ADAMTS5: variants seen among roughly 807,000 people sequenced by gnomAD.
ADAMTS5 encodes the protein ADAM metallopeptidase with thrombospondin type 1 motif 5, also known as A disintegrin and metalloproteinase with thrombospondin motifs 5.
A neutral mutation model predicts 81.4 loss-of-function variants in ADAMTS5; 54 were observed. The ratio of observed to expected loss-of-function variants is 0.66; its 90% CI spans 0.53 to 0.83. ADAMTS5 has a LOEUF of 0.83. Ranked by LOEUF, ADAMTS5 falls within the 40% of genes least tolerant of loss-of-function variation. The pLI is 0.00. For missense variants in ADAMTS5, 1,194 were observed against 1,229.9 expected, an observed-to-expected ratio of 0.97 and a Z score of 0.44; for synonymous variants, 532 against 508.8, an observed-to-expected ratio of 1.05 and a Z score of -0.61.
intron 3 of ADAMTS5, among the ~76,000 whole-genome samples, chr21:26,937,850 T>A (rs1987042260): frequency 6.6e-6 from 1 of 152,218 alleles, no homozygotes; most frequent in Non-Finnish European, 1.5e-5. Context: ...TTCATCGTAG[T>A]CTGAAATTTG....
At position 26,929,919 on chromosome 21, in the gene ADAMTS5, C is replaced by T; in HGVS notation, c.2192G>A (p.Cys731Tyr). 2 of 1,614,068 alleles carry T rather than the reference C, an allele frequency of 1.2e-6. No individual in the cohort carries two copies. The highest frequency in any genetic ancestry group is 1.7e-6 in the Non-Finnish European group (2 of 1,179,950). ...ATTAAAGGTTCCAACAATCTTTGTACAGCTGGAGTTGTCTCCTCCACATAC... is the reference window on the plus strand; with the variant it reads ...ATTAAAGGTTCCAACAATCTTTGTATAGCTGGAGTTGTCTCCTCCACATAC... ...CGVCGGDNSS[C>Y]TKIVGTFNKK... The change falls in exon 7 of 8, where the codon TGT becomes TAT. Residue 731 changes from cysteine (C) to tyrosine (Y), a missense_variant. Around this residue, in one of 2 missense-constraint regions of ADAMTS5, gnomAD observed 696 missense variants for 817.6 expected, o/e 0.85. Transcript: ENST00000284987.
rs1335546948 is a variant in ADAMTS5 at position 26,965,774 on chromosome 21, G to A, written c.618C>T (p.Arg206=). ...TGGACGCGGGGGTTTCGCAGCTGGCGCGCGGCGGCAGGGCCTCGAAGCTGA... is the reference window on the plus strand; with the variant it reads ...TGGACGCGGGGGTTTCGCAGCTGGCACGCGGCGGCAGGGCCTCGAAGCTGA... ...EGFSFEALPP[R]ASCETPASTP... is the part of the protein sequence containing the mutation. Residue 206 remains arginine, a synonymous_variant, in exon 1 of 8, where the codon CGC becomes CGT. Coordinates refer to ENST00000284987, the MANE Select transcript of ADAMTS5 (RefSeq NM_007038.5). 6.2e-7 allele frequency: 1 copy of A among 1,601,582 alleles called. No homozygotes were observed. The highest frequency in any genetic ancestry group is 8.5e-7 in the Non-Finnish European group (1 of 1,174,444).
chr21:26,950,130 G>A (rs970500574), intron 2 of ADAMTS5, among the ~76,000 whole-genome samples: 4 of 152,144 alleles, frequency 2.6e-5, no homozygotes, highest in African/African-American at 9.7e-5. Flanking sequence ...AAGCACACTG[G>A]AGTCTTTCAC....
intron 1 of ADAMTS5, among the ~76,000 whole-genome samples, chr21:26,957,030 A>T (rs777086312): frequency 2.8e-4 from 43 of 152,348 alleles, no homozygotes; most frequent in Non-Finnish European, 7.3e-5. Context: ...CTGTAGCTAT[A>T]ATTATGTAAA....
In ADAMTS5 at chr21:26,965,734, C is replaced by T. The variant is rs1987637140; in HGVS notation, c.658G>A (p.Glu220Lys). The part of the protein sequence containing the change: ...ETPASTPEAH[E>K]HAPAHSNPSG... ...GGGTTGCTGTGCGCCGGAGCATGCTCGTGGGCCTCCGGTGTGGACGCGGGG... is the reference window on the plus strand; with the variant it reads ...GGGTTGCTGTGCGCCGGAGCATGCTTGTGGGCCTCCGGTGTGGACGCGGGG... The change falls in exon 1 of 8, where the codon GAG (glutamate) becomes AAG (lysine). Residue 220 changes from glutamate (E) to lysine (K), a missense_variant. Glu to Lys is a moderately conservative substitution (Grantham distance 56). Transcript: ENST00000284987. The T allele has an allele frequency of 3.0e-5, 48 of 1,592,734 alleles. No homozygotes were observed. The highest frequency in any genetic ancestry group is 3.8e-5 in the Non-Finnish European group (45 of 1,170,800).
rs2123162417 is a variant in ADAMTS5 at position 26,923,955 on chromosome 21, G to A, written c.*98C>T. On this transcript the variant is annotated 3_prime_UTR_variant, in exon 8 of 8. Coordinates refer to ENST00000284987, the MANE Select transcript of ADAMTS5 (RefSeq NM_007038.5). ...GACTCCTGTTGACAATGTCACTGAA[G>A]CATGACTTTCTGTGCGTTAGGTAGA... 1.6e-6 allele frequency: 2 copies of A among 1,267,838 alleles called. No homozygotes were observed. The highest frequency in any genetic ancestry group is 2.1e-6 in the Non-Finnish European group (2 of 933,844). 78.5% of individuals were successfully genotyped at this position (1,267,838 alleles called of 1,614,324 possible).
rs1220163504 is a variant in ADAMTS5, at chr21:26,920,787, G to A, written c.*3266C>T. On this transcript the variant is annotated 3_prime_UTR_variant, in exon 8 of 8. Coordinates refer to ENST00000284987, the MANE Select transcript of ADAMTS5 (RefSeq NM_007038.5). ...GTGACTTGGAAAAAATAGTGTTAATGTGATGTAAAAAACCTATTATCATAG... is the reference window on the plus strand; with the variant it reads ...GTGACTTGGAAAAAATAGTGTTAATATGATGTAAAAAACCTATTATCATAG... The A allele has an allele frequency of 2.0e-5, 3 of 152,020 alleles. No homozygotes were observed. Among genetic ancestry groups the A allele is most frequent in the African/African-American group, 7.2e-5 (3 of 41,394 alleles). The allele number at this position is 152,020 out of a possible 1,614,324, so 9.4% of individuals were successfully genotyped here. A position where few individuals can be genotyped will look rare whatever the true frequency, so the allele number is the denominator to read the frequency against.
In ADAMTS5 at chr21:26,954,758, G is replaced by A; in HGVS notation, c.1218C>T (p.Phe406=). Reference sequence around the variant, plus strand: ...GCATACCGATTTCGTGAGCCACAGTGAAGGCTGCGTGGAGGCCATCGTCTT... The same window carrying A: ...GCATACCGATTTCGTGAGCCACAGTAAAGGCTGCGTGGAGGCCATCGTCTT... ...VIEDDGLHAA[F]TVAHEIGHLL... Residue 406 remains phenylalanine (F), a synonymous_variant, in exon 2 of 8, where the codon TTC becomes TTT. Coordinates refer to ENST00000284987, the MANE Select transcript of ADAMTS5 (RefSeq NM_007038.5). 1 of 1,614,032 alleles carries A rather than the reference G, an allele frequency of 6.2e-7. No homozygotes were observed. The highest frequency in any genetic ancestry group is 1.1e-5 in the South Asian group (1 of 91,074).
intron 3 of ADAMTS5, among the ~76,000 whole-genome samples, chr21:26,936,611 A>T (rs1987018714): frequency 6.6e-6 from 1 of 152,228 alleles, no homozygotes. Context: ...AAAAATGAAT[A>T]AAGAGCAAAG....
intron 2 of ADAMTS5, among the ~76,000 whole-genome samples, chr21:26,949,274 T>C (rs561959328): frequency 6.6e-6 from 1 of 151,850 alleles, no homozygotes; most frequent in South Asian, 2.1e-4. Flanking sequence ...CAAAGCCCAC[T>C]GAAGCCTCCA....
rs755039019 is a variant in ADAMTS5, at chr21:26,954,803, C to T, written c.1173G>A (p.Glu391=). Residue 391 remains glutamate, a synonymous_variant, in exon 2 of 8, where the codon GAG becomes GAA. Coordinates refer to ENST00000284987, the MANE Select transcript of ADAMTS5 (RefSeq NM_007038.5). ...MADVGTICSP[E]RSCAVIEDDG... The stretch of plus-strand genomic sequence containing the variant: ...CGTCTTCAATCACAGCACAGCTGCG[C>T]TCTGGAGAACATATGGTCCCAACGT... 3.1e-6 allele frequency: 5 copies of T among 1,614,014 alleles called. No homozygotes were observed. In the African/African-American group the frequency reaches 5.3e-5, roughly 17 times the overall value.
intron 2 of ADAMTS5, among the ~76,000 whole-genome samples, chr21:26,947,600 G>GT (rs1295897563): frequency 6.6e-6 from 1 of 151,862 alleles, no homozygotes. Flanking sequence ...TTCCTGGCTA[G>GT]TTTTTTGTAT....
chr21:26,953,713 A>G (rs1417723036), intron 2 of ADAMTS5, among the ~76,000 whole-genome samples: 2 of 152,174 alleles, frequency 1.3e-5, no homozygotes, highest in Non-Finnish European at 2.9e-5. Context: ...TGCTCCCAAA[A>G]ATGTGATGCT....
chr21:26,934,673 G>A lies in ADAMTS5; in HGVS notation c.1482C>T (p.Thr494=), dbSNP rs1462482628. 1 of 1,614,182 alleles carries A rather than the reference G, an allele frequency of 6.2e-7. No individual in the cohort carries two copies. Among genetic ancestry groups the A allele is most frequent in the Non-Finnish European group, 8.5e-7 (1 of 1,180,046 alleles). ...GCCCGAATGTCAGGTTGCACTGCTG[G>A]GTGGCATCGTAGGTCTGTCCTGGGA... The part of the protein sequence containing the change: ...EELPGQTYDA[T]QQCNLTFGPE... Residue 494 remains threonine (T), a synonymous_variant, in exon 4 of 8, where the codon ACC becomes ACT. Transcript: ENST00000284987.
intron 7 of ADAMTS5, 98 bp downstream of exon 7, chr21:26,929,788 A>C (rs1201722646): frequency 8.0e-7 from 1 of 1,257,830 alleles, no homozygotes; most frequent in Non-Finnish European, 1.1e-6. Flanking sequence ...CTCCTCATAC[A>C]GATAGCTTAT....
intron 7 of ADAMTS5, among the ~76,000 whole-genome samples, chr21:26,928,262 T>A (rs2123167978): frequency 6.6e-6 from 1 of 152,306 alleles, no homozygotes; most frequent in African/African-American, 2.4e-5. Context: ...AGATCAATGT[T>A]CTTTTTCATA....
intron 4 of ADAMTS5, among the ~76,000 whole-genome samples, chr21:26,934,122 C>T (rs1986965976): frequency 6.6e-6 from 1 of 152,140 alleles, no homozygotes; most frequent in African/African-American, 2.4e-5. Flanking sequence ...AATTTAAATA[C>T]TTATATTCTG....
intron 7 of ADAMTS5, among the ~76,000 whole-genome samples, chr21:26,925,499 T>A (rs1429729419): frequency 6.6e-6 from 1 of 152,154 alleles, no homozygotes; most frequent in African/African-American, 2.4e-5. Flanking sequence ...AAGACACAAA[T>A]ATCTTTAATA....
At chr21:26,947,238 C>T (rs1377778931) in intron 2 of ADAMTS5, among the ~76,000 whole-genome samples, 1 of 152,144 alleles carries the variant, frequency 6.6e-6, no homozygotes, top group Admixed American at 6.5e-5. Context: ...CCTGAGGCAA[C>T]TAAGGACCAA....
Sources: allele counts gnomAD v4.1 joint callset (sites outside exome capture counted in the v4.1 genomes callset), GRCh38; gene constraint gnomAD v4.1.1; regional missense constraint gnomAD v4.1.1; transcripts MANE v1.5; gene names NCBI Gene and HGNC (gene_info 2026-07-23, HGNC 2026-07-21).